NEDD4L: variants seen among roughly 807,000 people sequenced by gnomAD.
NEDD4L encodes E3 ubiquitin-protein ligase NEDD4-like.
NEDD4L carries 54 observed loss-of-function variants against 148.9 expected under a neutral mutation model. That is an observed-to-expected ratio of 0.36 (90% CI 0.29 to 0.45). The LOEUF (loss-of-function observed/expected upper bound fraction) is 0.45. NEDD4L is among the 20% of genes least tolerant of loss of function. The pLI, the probability that NEDD4L is intolerant of heterozygous loss-of-function variation, is 1.00. For synonymous variants in NEDD4L, 433 were observed against 440.7 expected (o/e 0.98, Z 0.22); for missense variants, 856 against 1,233.8 (o/e 0.69, Z 4.59).
intron 27 of NEDD4L, 90 bp from the exon 28 acceptor site, chr18:58,388,995 C>G (rs1448723265): frequency 7.0e-6 from 7 of 1,003,070 alleles, no homozygotes; most frequent in Non-Finnish European, 1.1e-5. Context: ...GCACAGTGAC[C>G]ACATGCTGGC....
At chr18:58,280,221 C>T (rs1391826391) in intron 5 of NEDD4L, among the ~76,000 whole-genome samples, 1 of 152,192 alleles carries the variant, frequency 6.6e-6, no homozygotes. Flanking sequence ...ATGCCTCTGG[C>T]CTTTCTCATT....
chr18:58,112,601 G>A (rs2085490636), intron 1 of NEDD4L, among the ~76,000 whole-genome samples: 1 of 151,984 alleles, frequency 6.6e-6, no homozygotes, highest in Non-Finnish European at 1.5e-5. Flanking sequence ...TGATTCTCTT[G>A]CCTCTGCCTC....
intron 1 of NEDD4L, chr18:58,046,405 G>C (rs1018768995): frequency 2.9e-5 from 1 of 34,166 alleles, no homozygotes; most frequent in Non-Finnish European, 6.4e-5. Flanking sequence ...GACGTATTGT[G>C]GGGGGTGGGG....
chr18:58,194,342 T>C (rs1599569645), intron 2 of NEDD4L, among the ~76,000 whole-genome samples: 1 of 152,232 alleles, frequency 6.6e-6, no homozygotes, highest in South Asian at 2.1e-4. Flanking sequence ...TGATAAGTGT[T>C]GGGCCGGTCA....
intron 1 of NEDD4L, among the ~76,000 whole-genome samples, chr18:58,153,935 C>T (rs2035126806): frequency 6.6e-6 from 1 of 152,200 alleles, no homozygotes; most frequent in African/African-American, 2.4e-5. Context: ...GCGTGAGTCA[C>T]CGCACCCGGC....
chr18:58,117,255 C>G (rs2085907921), intron 1 of NEDD4L, among the ~76,000 whole-genome samples: 2 of 152,200 alleles, frequency 1.3e-5, no homozygotes, highest in African/African-American at 4.8e-5. Context: ...GCCCAGTTGC[C>G]TTGGAGCAGG....
intron 1 of NEDD4L, among the ~76,000 whole-genome samples, chr18:58,105,741 A>G (rs776097455): frequency 5.3e-5 from 8 of 152,228 alleles, no homozygotes; most frequent in Non-Finnish European, 1.0e-4. Flanking sequence ...TAATGGTTCA[A>G]GCCCTCTGAC....
chr18:58,186,073 G>A (rs1470434425), intron 2 of NEDD4L, among the ~76,000 whole-genome samples: 2 of 151,910 alleles, frequency 1.3e-5, no homozygotes, highest in Non-Finnish European at 2.9e-5. Context: ...GGATACATAT[G>A]CACACGCACA....
At position 58,082,104 on chromosome 18, in the gene NEDD4L, T is replaced by A. The variant is rs867692666; in HGVS notation, c.48+37396T>A. ...AATATATATATATATATATATATAT[T>A]TTTTTTTTTTTTTTTTTCTTGAGAT... On this transcript the variant is annotated intron_variant, in intron 1 of 30. Transcript: ENST00000400345. Among the ~76,000 whole-genome samples the A allele has an allele frequency of 6.5e-3, 446 of 68,582 alleles. 1 individual carries two copies. The highest frequency in any genetic ancestry group is 0.013 in the Middle Eastern group (2 of 160). 45.0% of individuals were successfully genotyped at this position (68,582 alleles called of 152,430 possible). A position where few individuals can be genotyped will look rare whatever the true frequency, so the allele number is the denominator to read the frequency against.
At position 58,227,657 on chromosome 18, in the gene NEDD4L, T is replaced by A. The variant is rs73454619; in HGVS notation, c.123-17770T>A. Among the ~76,000 whole-genome samples the A allele has an allele frequency of 4.6e-3, 703 of 152,302 alleles. 5 individuals carry two copies. Among genetic ancestry groups the A allele is most frequent in the African/African-American group, 0.015 (623 of 41,554 alleles). On this transcript the variant is annotated intron_variant, in intron 2 of 30. Transcript: ENST00000400345. ...CTCGCGAAGTTCCTACTGTTGTTCA[T>A]TGACCCAGTGAGTGTTTTACCCACT...
chr18:58,285,593 A>C (rs185293919), intron 5 of NEDD4L, among the ~76,000 whole-genome samples: 2 of 152,336 alleles, frequency 1.3e-5, no homozygotes, highest in African/African-American at 2.4e-5. Flanking sequence ...TATAAACTAA[A>C]TATTCACCAA....
intron 5 of NEDD4L, among the ~76,000 whole-genome samples, chr18:58,259,558 ACT>A (rs939407321): frequency 9.9e-5 from 15 of 151,758 alleles, no homozygotes; most frequent in Non-Finnish European, 1.5e-5. Context: ...TAACTGTGAA[ACT>A]CTGCATTTTA....
At chr18:58,375,770 C>T (rs1386142989) in intron 24 of NEDD4L, among the ~76,000 whole-genome samples, 2 of 151,974 alleles carry the variant, frequency 1.3e-5, no homozygotes, top group African/African-American at 2.4e-5. Context: ...ATTGAGCAAA[C>T]GAATGAGGAG....
chr18:58,394,879 T>G (rs2050286889), intron 30 of NEDD4L, among the ~76,000 whole-genome samples: 1 of 152,252 alleles, frequency 6.6e-6, no homozygotes, highest in African/African-American at 2.4e-5. Flanking sequence ...TTGCTCATTC[T>G]TGGAATCACA....
At chr18:58,072,870 GCGCA>G (rs777800130) in intron 1 of NEDD4L, among the ~76,000 whole-genome samples, 1,797 of 106,422 alleles carry the variant, frequency 0.017, 26 homozygotes, top group African/African-American at 0.054. Flanking sequence ...GCGCGCGCGC[GCGCA>G]CACACACACA....
intron 5 of NEDD4L, among the ~76,000 whole-genome samples, chr18:58,309,842 T>C (rs1204862625): frequency 6.6e-6 from 1 of 151,982 alleles, no homozygotes; most frequent in Non-Finnish European, 1.5e-5. Context: ...GTACACCTCA[T>C]CCCCTGATGT....
intron 26 of NEDD4L, among the ~76,000 whole-genome samples, chr18:58,386,109 G>A (rs543112697): frequency 1.3e-5 from 2 of 152,208 alleles, no homozygotes; most frequent in African/African-American, 4.8e-5. Flanking sequence ...CTGGAGTACA[G>A]TGGTGCGATC....
At chr18:58,098,993 C>A (rs138015035) in intron 1 of NEDD4L, among the ~76,000 whole-genome samples, 2 of 152,160 alleles carry the variant, frequency 1.3e-5, no homozygotes, top group East Asian at 3.8e-4. Flanking sequence ...CTTGTCATGA[C>A]GAGTTTTACT....
At chr18:58,243,752 G>A (rs762788872) in intron 2 of NEDD4L, among the ~76,000 whole-genome samples, 1 of 152,052 alleles carries the variant, frequency 6.6e-6, no homozygotes, top group African/African-American at 2.4e-5. Flanking sequence ...AGGTGCATCC[G>A]CTTAGATGTT....
Sources: allele counts gnomAD v4.1 joint callset (sites outside exome capture counted in the v4.1 genomes callset), GRCh38; gene constraint gnomAD v4.1.1; transcripts MANE v1.5; gene names NCBI Gene and HGNC (gene_info 2026-07-23, HGNC 2026-07-21).